The following CACNG3 variants were observed in gnomAD, a reference collection of about 807,000 sequenced individuals.
CACNG3 encodes calcium voltage-gated channel auxiliary subunit gamma 3.
A neutral mutation model predicts 28.5 loss-of-function variants in CACNG3; 3 were observed. The observed-to-expected ratio is 0.11, with a 90% confidence interval of 0.05 to 0.27. The LOEUF (loss-of-function observed/expected upper bound fraction) is 0.27, where lower values mean the gene tolerates loss of function less well. CACNG3 is among the 10% of genes least tolerant of loss of function. The probability of loss-of-function intolerance (pLI) is 1.00; values close to 1 mark genes in which losing one functional copy is unlikely to be tolerated. For synonymous variants in CACNG3, 174 were observed against 162.2 expected (o/e 1.07, Z -0.55); for missense variants, 236 against 414.4 (o/e 0.57, Z 3.74).
chr16:24,351,656 A>G (rs1596652372), intron 2 of CACNG3, among the ~76,000 whole-genome samples: 1 of 126,276 alleles, frequency 7.9e-6, no homozygotes, highest in East Asian at 2.3e-4. Context: ...AGGGGGAAAG[A>G]CAGACGAAAG....
intron 1 of CACNG3, among the ~76,000 whole-genome samples, chr16:24,308,839 CAAAAAAAAAAAAA>C (rs71154298): frequency 3.3e-4 from 9 of 27,272 alleles, no homozygotes; most frequent in Non-Finnish European, 6.0e-4. Context: ...GAACCTACCT[CAAAAAAAAAAAAA>C]AAAAAAAAAA....
chr16:24,333,367 G>A (rs1899657790), intron 1 of CACNG3: 1 of 152,102 alleles, frequency 6.6e-6, no homozygotes, highest in Admixed American at 6.5e-5. Context: ...ATGAATAGGA[G>A]GCCCTGGGTT....
intron 1 of CACNG3, among the ~76,000 whole-genome samples, chr16:24,326,086 G>T (rs761473296): frequency 6.6e-6 from 1 of 152,176 alleles, no homozygotes; most frequent in Non-Finnish European, 1.5e-5. Context: ...AACGTGGGGG[G>T]GTTGGGGGCT....
At chr16:24,274,472 T>G (rs1475772040) in intron 1 of CACNG3, among the ~76,000 whole-genome samples, 5 of 152,224 alleles carry the variant, frequency 3.3e-5, no homozygotes, top group Non-Finnish European at 5.9e-5. Context: ...GGACAGAATC[T>G]ACTCATCTGC....
At chr16:24,262,723 T>C (rs1296015177) in intron 1 of CACNG3, among the ~76,000 whole-genome samples, 7 of 152,240 alleles carry the variant, frequency 4.6e-5, no homozygotes, top group African/African-American at 1.7e-4. Flanking sequence ...GGAAAGAAAC[T>C]TACTCCTCTT....
At chr16:24,326,887 C>T (rs1371597918) in intron 1 of CACNG3, among the ~76,000 whole-genome samples, 1 of 152,058 alleles carries the variant, frequency 6.6e-6, no homozygotes, top group Non-Finnish European at 1.5e-5. Flanking sequence ...ACCAGAGAAA[C>T]ACGCCATGAT....
chr16:24,274,197 A>G (rs1228143656), intron 1 of CACNG3, among the ~76,000 whole-genome samples: 4 of 147,018 alleles, frequency 2.7e-5, no homozygotes, highest in Admixed American at 1.3e-4. Flanking sequence ...AAAAAAAAAA[A>G]AAACAAAAAA....
intron 1 of CACNG3, among the ~76,000 whole-genome samples, chr16:24,283,513 A>T (rs1406361184): frequency 6.6e-6 from 1 of 152,190 alleles, no homozygotes. Context: ...GGCTAGTATG[A>T]CTGGTAGGTG....
chr16:24,294,037 T>C (rs1235914303), intron 1 of CACNG3, among the ~76,000 whole-genome samples: 1 of 152,188 alleles, frequency 6.6e-6, no homozygotes, highest in African/African-American at 2.4e-5. Context: ...CATAGGAAAT[T>C]GCTCTCACCT....
At chr16:24,337,076 A>T (rs1201662368) in intron 1 of CACNG3, among the ~76,000 whole-genome samples, 1 of 152,210 alleles carries the variant, frequency 6.6e-6, no homozygotes, top group East Asian at 1.9e-4. Context: ...GGCCTCCAAA[A>T]GTGCTGGGAT....
chr16:24,309,420 A>C (rs1006708810), intron 1 of CACNG3, among the ~76,000 whole-genome samples: 1 of 152,190 alleles, frequency 6.6e-6, no homozygotes, highest in Non-Finnish European at 1.5e-5. Context: ...ACAAAAAGCT[A>C]TGAGCCACAC....
intron 1 of CACNG3, among the ~76,000 whole-genome samples, chr16:24,318,869 G>C: frequency 6.6e-6 from 1 of 152,164 alleles, no homozygotes; most frequent in East Asian, 1.9e-4. Context: ...CCACCAGTAG[G>C]AGGCTCCCTG....
chr16:24,315,070 T>C (rs1253110101), intron 1 of CACNG3, among the ~76,000 whole-genome samples: 1 of 152,124 alleles, frequency 6.6e-6, no homozygotes, highest in Non-Finnish European at 1.5e-5. Flanking sequence ...CAGGGAACAA[T>C]GACCAGCCAG....
At chr16:24,266,914 T>C (rs559130199) in intron 1 of CACNG3, among the ~76,000 whole-genome samples, 1 of 151,842 alleles carries the variant, frequency 6.6e-6, no homozygotes, top group African/African-American at 2.4e-5. Context: ...GGATGGGCCG[T>C]GAGAACCCCA....
intron 1 of CACNG3, among the ~76,000 whole-genome samples, chr16:24,296,959 G>T (rs1899039393): frequency 6.6e-6 from 1 of 152,150 alleles, no homozygotes; most frequent in Non-Finnish European, 1.5e-5. Context: ...GGTTCCCTGA[G>T]GGGTGCTTAA....
intron 1 of CACNG3, among the ~76,000 whole-genome samples, chr16:24,335,292 C>T (rs1178399386): frequency 6.6e-6 from 1 of 152,036 alleles, no homozygotes; most frequent in African/African-American, 2.4e-5. Context: ...TGGTGGCGGG[C>T]ACCTGTAATC....
At chr16:24,285,482 C>T (rs963598018) in intron 1 of CACNG3, among the ~76,000 whole-genome samples, 1 of 152,052 alleles carries the variant, frequency 6.6e-6, no homozygotes, top group Non-Finnish European at 1.5e-5. Flanking sequence ...CCTTTCCTAC[C>T]CTCAAAACGT....
chr16:24,271,725 C>T (rs191512467), intron 1 of CACNG3, among the ~76,000 whole-genome samples: 12 of 152,288 alleles, frequency 7.9e-5, no homozygotes, highest in Admixed American at 7.8e-4. Context: ...GGTAAGCTCA[C>T]AACTGTGTAG....
At position 24,361,536 on chromosome 16, in the gene CACNG3, A is replaced by G; in HGVS notation, c.621A>G (p.Leu207=). The change falls in exon 4 of 4, where the codon TTA becomes TTG. Residue 207 remains leucine (L), a synonymous_variant. Transcript: ENST00000005284. The surrounding 1 kb of genome is among the most constrained non-coding windows in gnomAD (Gnocchi z 6.8). ...TCTATATTGAAAAACATCAGCAGTT[A>G]CGAGCCAAATCCCACTCGGAGTTCC... ...VHIYIEKHQQ[L]RAKSHSEFLK... is the part of the protein sequence containing the mutation. 6.2e-7 allele frequency: 1 copy of G among 1,613,938 alleles called. No individual in the cohort carries two copies. The highest frequency in any genetic ancestry group is 8.5e-7 in the Non-Finnish European group (1 of 1,179,958).
Sources: gnomAD v4.1 joint callset for allele counts (sites outside exome capture counted in the v4.1 genomes callset) on GRCh38, gnomAD v4.1.1 for gene constraint, Gnocchi (gnomAD v3.1) non-coding constraint, MANE v1.5 for transcripts, NCBI Gene and HGNC (gene_info 2026-07-23, HGNC 2026-07-21) for gene names.